The following SUPT3H variants were observed in gnomAD, a reference collection of about 807,000 sequenced individuals.
SUPT3H encodes transcription initiation protein SPT3 homolog.
SUPT3H carries 44 observed loss-of-function variants against 44.3 expected under a neutral mutation model. The observed-to-expected ratio is 0.99, with a 90% CI of 0.78 to 1.28. The LOEUF (loss-of-function observed/expected upper bound fraction) is 1.28. Among genes scored for constraint, SUPT3H ranks in the 50% most tolerant of loss-of-function variants. The probability of loss-of-function intolerance (pLI) is 0.00; values close to 1 mark genes in which losing one functional copy is unlikely to be tolerated. For missense variants in SUPT3H, 380 were observed against 387.1 expected (o/e 0.98, Z 0.15); for synonymous variants, 124 against 125.6 (o/e 0.99, Z 0.09).
chr6:44,899,073 G>A (rs1764560660), intron 10 of SUPT3H: 1 of 152,134 alleles, frequency 6.6e-6, no homozygotes, highest in Admixed American at 6.5e-5. Context: ...ACTGCTGATG[G>A]GATGCCCAGC....
chr6:45,350,229 AATGGTGC>A, intron 2 of SUPT3H, among the ~76,000 whole-genome samples: 1 of 152,318 alleles, frequency 6.6e-6, no homozygotes, highest in Admixed American at 6.5e-5. Flanking sequence ...CAGAGCCTAG[AATGGTGC>A]ATAGTACACA....
At chr6:45,135,198 C>T (rs1804079207) in intron 2 of SUPT3H, among the ~76,000 whole-genome samples, 1 of 152,102 alleles carries the variant, frequency 6.6e-6, no homozygotes, top group Admixed American at 6.5e-5. Flanking sequence ...AGAAACTTTG[C>T]CCTCAGAGTC....
chr6:45,013,159 T>C (rs1455537658), intron 5 of SUPT3H, among the ~76,000 whole-genome samples: 1 of 152,114 alleles, frequency 6.6e-6, no homozygotes, highest in South Asian at 2.1e-4. Flanking sequence ...CTGTGAAATG[T>C]TGCCAGCCTT....
At chr6:45,305,854 C>T (rs754981171) in intron 2 of SUPT3H, among the ~76,000 whole-genome samples, 11 of 152,222 alleles carry the variant, frequency 7.2e-5, no homozygotes, top group Non-Finnish European at 1.5e-4. Context: ...GAGCCATCAC[C>T]TTAGTGAGCA....
chr6:44,809,801 A>T (rs542540047), intron 11 of SUPT3H, among the ~76,000 whole-genome samples: 8 of 152,294 alleles, frequency 5.3e-5, no homozygotes, highest in African/African-American at 1.9e-4. Flanking sequence ...TATGTCTTAA[A>T]GTCATCTAGT....
rs550262532 is a variant in SUPT3H at position 44,925,126 on chromosome 6, CCTAAA to C, written c.912+7522_912+7526del. 2.6e-3 allele frequency among the ~76,000 whole-genome samples: 390 copies of C among 152,130 alleles called. 3 individuals carry two copies. The highest frequency in any genetic ancestry group is 8.6e-3 in the African/African-American group (356 of 41,498). ...TCCCTATTAGTCCATTATGAACATCCCTAAACTAATGATATGAAAACATCTCTAGT... is the reference window on the plus strand; with the variant it reads ...TCCCTATTAGTCCATTATGAACATCCCTAATGATATGAAAACATCTCTAGT... On this transcript the variant is annotated intron_variant, in intron 10 of 10. Coordinates refer to ENST00000371459, the MANE Select transcript of SUPT3H (RefSeq NM_003599.4).
chr6:45,107,424 A>T (rs955253210), intron 2 of SUPT3H, among the ~76,000 whole-genome samples: 5 of 152,178 alleles, frequency 3.3e-5, no homozygotes, highest in Non-Finnish European at 4.4e-5. Context: ...ACATAAAATG[A>T]TGGTGACACC....
intron 1 of SUPT3H, chr6:45,377,527 G>T (rs1035831388): frequency 6.6e-6 from 1 of 152,226 alleles, no homozygotes; most frequent in Non-Finnish European, 1.5e-5. Flanking sequence ...GGAGTCGAGA[G>T]GCAACTCCAC....
chr6:44,839,391 A>C (rs1481383602), intron 10 of SUPT3H, among the ~76,000 whole-genome samples: 1 of 151,634 alleles, frequency 6.6e-6, no homozygotes, highest in Non-Finnish European at 1.5e-5. Context: ...ATGAAGCCCC[A>C]ATCTCCCACA....
At chr6:45,361,019 T>C (rs1794156616) in intron 2 of SUPT3H, among the ~76,000 whole-genome samples, 2 of 152,138 alleles carry the variant, frequency 1.3e-5, no homozygotes, top group African/African-American at 4.8e-5. Context: ...ATGCCTGTAG[T>C]CCAAGCTACT....
intron 10 of SUPT3H, among the ~76,000 whole-genome samples, chr6:44,869,010 TTC>T (rs1775938880): frequency 6.6e-6 from 1 of 152,226 alleles, no homozygotes; most frequent in South Asian, 2.1e-4. Flanking sequence ...TCACTGATGT[TTC>T]TGTTTCTATT....
chr6:45,232,141 A>G (rs1165224544), intron 2 of SUPT3H, among the ~76,000 whole-genome samples: 1 of 152,154 alleles, frequency 6.6e-6, no homozygotes, highest in African/African-American at 2.4e-5. Context: ...CCTGTGTCCT[A>G]ACATTGATAT....
chr6:45,213,591 TA>T, intron 2 of SUPT3H, among the ~76,000 whole-genome samples: 1 of 152,158 alleles, frequency 6.6e-6, no homozygotes, highest in Admixed American at 6.6e-5. Context: ...AAAACATTCA[TA>T]AATCAATTAG....
chr6:44,982,302 C>A (rs534366521), intron 6 of SUPT3H, among the ~76,000 whole-genome samples: 1 of 152,266 alleles, frequency 6.6e-6, no homozygotes, highest in Admixed American at 6.5e-5. Flanking sequence ...CAGCTCACTG[C>A]AAGCTCTGCC....
At chr6:45,072,043 C>T (rs969354760) in intron 3 of SUPT3H, among the ~76,000 whole-genome samples, 4 of 152,124 alleles carry the variant, frequency 2.6e-5, no homozygotes, top group African/African-American at 7.2e-5. Context: ...ATTCCTACTA[C>T]GTCCAGTCAA....
chr6:45,271,524 C>T (rs4714849), intron 2 of SUPT3H, among the ~76,000 whole-genome samples: 146,970 of 152,286 alleles, frequency 0.97, 70,951 homozygotes, highest in East Asian at 1. Flanking sequence ...AAGTCAAGAA[C>T]TGAAGCCTGT....
intron 7 of SUPT3H, among the ~76,000 whole-genome samples, chr6:44,956,328 CA>C (rs1282538484): frequency 2.5e-4 from 37 of 147,788 alleles, no homozygotes; most frequent in Non-Finnish European, 4.8e-4. Context: ...ACTAAAAATA[CA>C]AAAAATTAGC....
At chr6:44,887,189 G>C (rs1762454288) in intron 10 of SUPT3H, among the ~76,000 whole-genome samples, 1 of 152,064 alleles carries the variant, frequency 6.6e-6, no homozygotes, top group South Asian at 2.1e-4. Context: ...ACACCCCACT[G>C]TCAACATTAG....
intron 6 of SUPT3H, among the ~76,000 whole-genome samples, chr6:45,002,413 G>A (rs1782125430): frequency 6.6e-6 from 1 of 151,662 alleles, no homozygotes; most frequent in Non-Finnish European, 1.5e-5. Flanking sequence ...TTTTACTAAT[G>A]CTTTATGTAT....
Sources: gnomAD v4.1 joint callset for allele counts (sites outside exome capture counted in the v4.1 genomes callset) on GRCh38, gnomAD v4.1.1 for gene constraint, MANE v1.5 for transcripts, NCBI Gene and HGNC (gene_info 2026-07-23, HGNC 2026-07-21) for gene names.